Variants in TAF12 observed in about 807,000 individuals in gnomAD.
TAF12 encodes the protein transcription initiation factor TFIID subunit 12.
In TAF12, 3 loss-of-function variants were observed where a neutral mutation model predicts 20.8. The observed-to-expected ratio is 0.14, with a 90% CI of 0.07 to 0.37. The LOEUF (loss-of-function observed/expected upper bound fraction) is 0.37, where lower values mean the gene tolerates loss of function less well. Ranked by LOEUF, TAF12 falls within the 10% of genes least tolerant of loss-of-function variation. The pLI is 1.00. For missense variants in TAF12, 131 were observed against 197.9 expected (o/e 0.66, Z 2.03); for synonymous variants, 69 against 70.2 (o/e 0.98, Z 0.09).
chr1:28,618,859 G>A (rs1389833367), intron 2 of TAF12, among the ~76,000 whole-genome samples: 1 of 152,162 alleles, frequency 6.6e-6, no homozygotes, highest in Non-Finnish European at 1.5e-5. Context: ...TAAAGGAAAT[G>A]TCATGTTACA....
At chr1:28,623,847 A>T in intron 1 of TAF12, 2 of 479,406 alleles carry the variant, frequency 4.2e-6, no homozygotes, top group Non-Finnish European at 2.7e-6. Flanking sequence ...CCTGAATCTT[A>T]GAGTCATGAG....
At chr1:28,630,210 T>C (rs546832026) in intron 1 of TAF12, among the ~76,000 whole-genome samples, 1 of 152,240 alleles carries the variant, frequency 6.6e-6, no homozygotes, top group East Asian at 1.9e-4. Flanking sequence ...CCTCCCAAAG[T>C]GCTGGGATTA....
At chr1:28,621,859 AT>A in intron 2 of TAF12, 54 bp downstream of exon 2, 3 of 1,589,958 alleles carry the variant, frequency 1.9e-6, no homozygotes, top group Non-Finnish European at 2.6e-6. Flanking sequence ...AGTATTACAG[AT>A]TGAAATAATA....
intron 1 of TAF12, among the ~76,000 whole-genome samples, chr1:28,630,413 G>C (rs898964285): frequency 6.6e-6 from 1 of 152,070 alleles, no homozygotes. Flanking sequence ...AATTAGCTGG[G>C]CGTGGTGGCG....
intron 1 of TAF12, among the ~76,000 whole-genome samples, chr1:28,637,070 T>C (rs1335065057): frequency 6.6e-6 from 1 of 152,220 alleles, no homozygotes; most frequent in Admixed American, 6.5e-5. Context: ...AAGTGTTCTG[T>C]ATGACTTCAG....
At chr1:28,620,581 G>A (rs1385110195) in intron 2 of TAF12, among the ~76,000 whole-genome samples, 1 of 151,956 alleles carries the variant, frequency 6.6e-6, no homozygotes. Flanking sequence ...GACTACAGGC[G>A]CCTGCCACCA....
chr1:28,612,145 C>T (rs2124310070), intron 4 of TAF12, among the ~76,000 whole-genome samples: 1 of 152,206 alleles, frequency 6.6e-6, no homozygotes, highest in Non-Finnish European at 1.5e-5. Flanking sequence ...ATTCATTTGG[C>T]CTGTCTCTAT....
chr1:28,625,989 T>C (rs2124349417), intron 1 of TAF12, among the ~76,000 whole-genome samples: 1 of 151,452 alleles, frequency 6.6e-6, no homozygotes, highest in South Asian at 2.1e-4. Flanking sequence ...CCCGTCTCTT[T>C]TTTTTTTTTG....
At position 28,603,449 on chromosome 1, in the gene TAF12, TA is replaced by T. The variant is rs993226068; in HGVS notation, c.*89del. On this transcript the variant is annotated 3_prime_UTR_variant, in exon 6 of 6. Coordinates refer to ENST00000373824, the MANE Select transcript of TAF12 (RefSeq NM_005644.4). ...AAATATATGCTTCTCTGTAAAGCATTAAAAAAAAAAATCCAAGGATGAGATG... is the reference window on the plus strand; with the variant it reads ...AAATATATGCTTCTCTGTAAAGCATTAAAAAAAAAATCCAAGGATGAGATG... 18,896 of 1,042,746 alleles carry T rather than the reference TA, an allele frequency of 0.018. No individual in the cohort carries two copies. The highest frequency in any genetic ancestry group is 0.026 in the South Asian group (1,567 of 61,350). 64.6% of individuals were successfully genotyped at this position (1,042,746 alleles called of 1,614,324 possible). A position where few individuals can be genotyped will look rare whatever the true frequency, so the allele number is the denominator to read the frequency against.
intron 1 of TAF12, 147 bp downstream of exon 1, chr1:28,642,843 CCT>C (rs1668083273): frequency 1.0e-6 from 1 of 985,786 alleles, no homozygotes; most frequent in African/African-American, 1.7e-5. Flanking sequence ...CGAGCCTGAT[CCT>C]CTCAGTCAGT....
chr1:28,624,372 G>T (rs1331491377), intron 1 of TAF12, among the ~76,000 whole-genome samples: 1 of 152,118 alleles, frequency 6.6e-6, no homozygotes, highest in African/African-American at 2.4e-5. Flanking sequence ...GTAAAAGTTG[G>T]CAATATAAAT....
intron 1 of TAF12, among the ~76,000 whole-genome samples, chr1:28,627,335 CTGAGA>C (rs1019819294): frequency 1.8e-4 from 26 of 147,254 alleles, no homozygotes; most frequent in East Asian, 4.0e-4. Flanking sequence ...TTGCAGTGAG[CTGAGA>C]TAAGGCCACT....
Position 28,633,843 on chromosome 1 carries a change from C to T in TAF12, c.-85+9149G>A, listed in dbSNP as rs777854543. 4.2e-4 allele frequency among the ~76,000 whole-genome samples: 59 copies of T among 139,276 alleles called. No individual in the cohort carries two copies. In the Middle Eastern group the frequency reaches 0.013, roughly 31 times the overall value. 91.4% of individuals were successfully genotyped at this position (139,276 alleles called of 152,430 possible). On this transcript the variant is annotated intron_variant, in intron 1 of 5. Transcript: ENST00000373824. ...AGGAGAATCGCTAGAATCCGGGAGG[C>T]GGAGGTTCCGGTGAGCCGAGATTGT...
intron 4 of TAF12, among the ~76,000 whole-genome samples, chr1:28,609,920 G>A (rs1330923018): frequency 6.6e-6 from 1 of 151,918 alleles, no homozygotes; most frequent in East Asian, 1.9e-4. Flanking sequence ...TTAGCCCCTG[G>A]TAATCACCAT....
Position 28,621,965 on chromosome 1 carries a change from C to T in TAF12, c.117G>A (p.Lys39=), listed in dbSNP as rs1166573686. 6.2e-7 allele frequency: 1 copy of T among 1,613,922 alleles called. No homozygotes were observed. Among genetic ancestry groups the T allele is most frequent in the Admixed American group, 1.7e-5 (1 of 59,916 alleles). Residue 39 remains lysine, a synonymous_variant, in exon 2 of 6, where the codon AAG becomes AAA. Transcript: ENST00000373824. The part of the protein sequence containing the change: ...GSMANSTAVV[K]IPGTPGAGGR... Reference sequence around the variant, plus strand: ...CTCCTGCCCCAGGAGTGCCTGGTATCTTTACCACTGCAGTACTATTGGCCA... The same window carrying T: ...CTCCTGCCCCAGGAGTGCCTGGTATTTTTACCACTGCAGTACTATTGGCCA...
chr1:28,628,701 G>A (rs990767489), intron 1 of TAF12, among the ~76,000 whole-genome samples: 6 of 151,948 alleles, frequency 3.9e-5, no homozygotes, highest in Admixed American at 6.6e-5. Flanking sequence ...GGAGGCTCAC[G>A]AAATGGTCTC....
At chr1:28,619,117 C>T (rs1667128710) in intron 2 of TAF12, among the ~76,000 whole-genome samples, 2 of 151,926 alleles carry the variant, frequency 1.3e-5, no homozygotes, top group South Asian at 2.1e-4. Flanking sequence ...TTTGGAAGGC[C>T]GAGGTGGGAG....
At chr1:28,647,108 A>G (rs58069500), upstream of TAF12, among the ~76,000 whole-genome samples, 2,724 of 152,222 alleles carry the variant, frequency 0.018, 69 homozygotes, top group African/African-American at 0.06. Flanking sequence ...TGCTGGGATT[A>G]CAGGCATGAG....
chr1:28,611,635 T>C (rs1474289683), intron 4 of TAF12, among the ~76,000 whole-genome samples: 2 of 152,056 alleles, frequency 1.3e-5, no homozygotes, highest in African/African-American at 4.8e-5. Flanking sequence ...ACACCAAGGA[T>C]TGCCAGCCAC....
Sources: allele counts gnomAD v4.1 joint callset (sites outside exome capture counted in the v4.1 genomes callset), GRCh38; gene constraint gnomAD v4.1.1; transcripts MANE v1.5; gene names NCBI Gene and HGNC (gene_info 2026-07-23, HGNC 2026-07-21).